TGS1: variants seen among roughly 807,000 people sequenced by gnomAD.
TGS1 encodes trimethylguanosine synthase 1.
A neutral mutation model predicts 92.2 loss-of-function variants in TGS1; 69 were observed. The ratio of observed to expected loss-of-function variants is 0.75; its 90% CI spans 0.62 to 0.91. The LOEUF is 0.91. TGS1 is among the 40% of genes least tolerant of loss of function. TGS1 has a pLI of 0.00. For missense variants in TGS1, 1,062 were observed against 1,001.2 expected, an observed-to-expected ratio of 1.06 and a Z score of -0.82; for synonymous variants, 345 against 338.1, an observed-to-expected ratio of 1.02 and a Z score of -0.22.
intron 10 of TGS1, among the ~76,000 whole-genome samples, chr8:55,806,389 A>G (rs1378135226): frequency 2.6e-5 from 4 of 151,210 alleles, no homozygotes; most frequent in African/African-American, 9.7e-5. Context: ...ACAAAAGAAA[A>G]AAAAAAACCT....
intron 1 of TGS1, among the ~76,000 whole-genome samples, chr8:55,782,158 A>ATTTATTTC (rs1299852946): frequency 9.7e-6 from 1 of 102,774 alleles, no homozygotes; most frequent in Non-Finnish European, 1.9e-5. Context: ...TTATTTATTT[A>ATTTATTTC]TTTATTTATT....
intron 10 of TGS1, among the ~76,000 whole-genome samples, chr8:55,807,485 T>C (rs760079368): frequency 2.0e-4 from 31 of 151,752 alleles, no homozygotes; most frequent in Non-Finnish European, 3.7e-4. Flanking sequence ...CAAACTGATA[T>C]AGCTGGGTCA....
At chr8:55,790,002 AT>A (rs1811829743) in intron 4 of TGS1, 179 bp from the exon 5 acceptor site, 1 of 543,960 alleles carries the variant, frequency 1.8e-6, no homozygotes, top group Admixed American at 3.1e-5. Context: ...TATAGTTAAG[AT>A]TTTTAAAATG....
At chr8:55,797,307 A>G (rs1451930852) in intron 7 of TGS1, among the ~76,000 whole-genome samples, 2 of 152,110 alleles carry the variant, frequency 1.3e-5, no homozygotes, top group African/African-American at 2.4e-5. Context: ...GAACTAACTC[A>G]CCATCACAAG....
chr8:55,818,979 C>G (rs1243901481), intron 12 of TGS1, among the ~76,000 whole-genome samples: 4 of 152,144 alleles, frequency 2.6e-5, no homozygotes, highest in Middle Eastern at 3.2e-3. Context: ...GAGCCTCGCT[C>G]TGTCCACAAG....
At chr8:55,796,603 G>A (rs535124262) in intron 7 of TGS1, among the ~76,000 whole-genome samples, 29 of 152,154 alleles carry the variant, frequency 1.9e-4, no homozygotes, top group African/African-American at 4.6e-4. Context: ...CAGGAGAATC[G>A]CCTGAACCCG....
At chr8:55,822,268 T>C (rs946654320) in intron 12 of TGS1, among the ~76,000 whole-genome samples, 6 of 151,996 alleles carry the variant, frequency 3.9e-5, no homozygotes, top group African/African-American at 1.4e-4. Context: ...GACGGGGTTT[T>C]ACCTTGTTTG....
intron 1 of TGS1, among the ~76,000 whole-genome samples, chr8:55,778,050 T>C (rs1811449947): frequency 6.6e-6 from 1 of 152,014 alleles, no homozygotes; most frequent in South Asian, 2.1e-4. Context: ...GACAGGCAAA[T>C]CGCTTGAGCC....
chr8:55,809,565 A>G (rs1803285044), intron 10 of TGS1, among the ~76,000 whole-genome samples: 1 of 151,790 alleles, frequency 6.6e-6, no homozygotes, highest in East Asian at 1.9e-4. Context: ...GGCCCAAGTG[A>G]TTCACTTAAA....
Position 55,792,692 on chromosome 8 carries a change from A to C in TGS1, c.1281-6A>C, listed in dbSNP as rs757637807. 2.5e-6 allele frequency: 4 copies of C among 1,609,190 alleles called. No individual in the cohort carries two copies. Among genetic ancestry groups the C allele is most frequent in the Non-Finnish European group, 3.4e-6 (4 of 1,175,888 alleles). On this transcript the variant is annotated splice_region_variant and splice_polypyrimidine_tract_variant and intron_variant, in intron 5 of 12. Coordinates refer to ENST00000260129, the MANE Select transcript of TGS1 (RefSeq NM_024831.8). The stretch of plus-strand genomic sequence containing the variant: ...GCTTATCACTGTTTACCTTTTCTTT[A>C]TTTAGCCATGAACTGGACATTGATG...
chr8:55,782,602 C>T (rs1811597775), intron 1 of TGS1, 146 bp from the exon 2 acceptor site: 1 of 572,868 alleles, frequency 1.7e-6, no homozygotes, highest in African/African-American at 1.9e-5. Flanking sequence ...ATTGCCTCTA[C>T]ATTATAAGTG....
At chr8:55,782,956 T>C in intron 2 of TGS1, 144 bp downstream of exon 2, 1 of 599,244 alleles carries the variant, frequency 1.7e-6, no homozygotes, top group East Asian at 3.0e-5. Flanking sequence ...ACAATTTTTA[T>C]TTTCTTTTAT....
chr8:55,776,621 A>G (rs183503603), intron 1 of TGS1, among the ~76,000 whole-genome samples: 12 of 152,190 alleles, frequency 7.9e-5, no homozygotes, highest in African/African-American at 2.9e-4. Flanking sequence ...TCAGGGGTGG[A>G]TCAGTAACTA....
At chr8:55,804,263 A>G (rs1812299917) in intron 9 of TGS1, among the ~76,000 whole-genome samples, 1 of 152,192 alleles carries the variant, frequency 6.6e-6, no homozygotes, top group East Asian at 1.9e-4. Flanking sequence ...TAACATGGCA[A>G]AACTCTGTCT....
chr8:55,777,248 G>T (rs1310220449), intron 1 of TGS1, among the ~76,000 whole-genome samples: 1 of 149,832 alleles, frequency 6.7e-6, no homozygotes, highest in African/African-American at 2.5e-5. Flanking sequence ...GGTACAAACA[G>T]TTTTCCCACC....
intron 12 of TGS1, among the ~76,000 whole-genome samples, chr8:55,818,535 C>T (rs554953278): frequency 2.6e-5 from 4 of 152,336 alleles, no homozygotes; most frequent in Admixed American, 6.5e-5. Flanking sequence ...TGATCAGTTC[C>T]TAATATTTAC....
Position 55,824,720 on chromosome 8 carries a change from G to A in TGS1, c.*17G>A. On this transcript the variant is annotated 3_prime_UTR_variant, in exon 13 of 13. Transcript: ENST00000260129. Reference sequence around the variant, plus strand: ...GAAACCTAACTATGCAGCAGTGCGAGGACAAAAGATCATGGAGTGGTCAAA... The same window carrying A: ...GAAACCTAACTATGCAGCAGTGCGAAGACAAAAGATCATGGAGTGGTCAAA... 2 of 1,613,584 alleles carry A rather than the reference G, an allele frequency of 1.2e-6. No individual in the cohort carries two copies. The highest frequency in any genetic ancestry group is 1.7e-6 in the Non-Finnish European group (2 of 1,179,760).
intron 4 of TGS1, among the ~76,000 whole-genome samples, chr8:55,787,761 T>C (rs1456660172): frequency 6.6e-6 from 1 of 152,210 alleles, no homozygotes; most frequent in Non-Finnish European, 1.5e-5. Context: ...AAGAGGTTTA[T>C]TTTGGCTCAC....
chr8:55,817,209 T>C (rs988313423), intron 12 of TGS1, among the ~76,000 whole-genome samples: 2 of 152,198 alleles, frequency 1.3e-5, no homozygotes, highest in Non-Finnish European at 2.9e-5. Context: ...CAATTGTCTT[T>C]TTATATTTTG....
Sources: allele counts gnomAD v4.1 joint callset (sites outside exome capture counted in the v4.1 genomes callset), GRCh38; gene constraint gnomAD v4.1.1; transcripts MANE v1.5; gene names NCBI Gene and HGNC (gene_info 2026-07-23, HGNC 2026-07-21).